Variants in PHACTR1 observed in about 807,000 individuals in gnomAD.
The protein encoded by PHACTR1 is phosphatase and actin regulator 1.
In PHACTR1, 16 loss-of-function variants were observed where a neutral mutation model predicts 69.2. The ratio of observed to expected loss-of-function variants is 0.23; its 90% CI spans 0.16 to 0.35. The LOEUF (loss-of-function observed/expected upper bound fraction) is 0.35, where lower values mean the gene tolerates loss of function less well. PHACTR1 is among the 10% of genes least tolerant of loss of function. The probability of loss-of-function intolerance (pLI) is 1.00; values close to 1 mark genes in which losing one functional copy is unlikely to be tolerated. For missense variants in PHACTR1, 510 were observed against 734.7 expected (o/e 0.69, Z 3.54); for synonymous variants, 312 against 284.5 (o/e 1.10, Z -0.97).
At chr6:13,180,421 T>A (rs1762032683) in intron 6 of PHACTR1, among the ~76,000 whole-genome samples, 1 of 152,168 alleles carries the variant, frequency 6.6e-6, no homozygotes, top group Non-Finnish European at 1.5e-5. Flanking sequence ...CAATATTGCT[T>A]CTCTGTTACC....
At chr6:13,280,943 G>A (rs554518057) in intron 12 of PHACTR1, 35 of 1,288,366 alleles carry the variant, frequency 2.7e-5, no homozygotes, top group Admixed American at 9.2e-5. Context: ...ACAGAGGAGC[G>A]TCCTGGTGGC....
At chr6:13,223,154 G>A (rs978146066) in intron 8 of PHACTR1, among the ~76,000 whole-genome samples, 19 of 151,992 alleles carry the variant, frequency 1.3e-4, no homozygotes, top group African/African-American at 3.6e-4. Context: ...AAAAAATACC[G>A]TACTGACTTA....
intron 7 of PHACTR1, among the ~76,000 whole-genome samples, chr6:13,199,095 A>C (rs1764832498): frequency 6.6e-6 from 1 of 152,124 alleles, no homozygotes; most frequent in Non-Finnish European, 1.5e-5. Context: ...ACACTACTTT[A>C]AGAAGTTAGC....
At chr6:13,263,529 G>A (rs9473836) in intron 10 of PHACTR1, among the ~76,000 whole-genome samples, 1 of 152,160 alleles carries the variant, frequency 6.6e-6, no homozygotes. Context: ...TTGCTGCTCA[G>A]ACATATTTTA....
intron 4 of PHACTR1, among the ~76,000 whole-genome samples, chr6:12,833,186 C>T (rs1052313388): frequency 2.0e-5 from 3 of 151,966 alleles, no homozygotes; most frequent in African/African-American, 7.3e-5. Flanking sequence ...GCTTCCTTTT[C>T]GTGTTAAACC....
At chr6:13,184,549 ATCC>A (rs1339193082) in intron 7 of PHACTR1, among the ~76,000 whole-genome samples, 1 of 152,122 alleles carries the variant, frequency 6.6e-6, no homozygotes, top group African/African-American at 2.4e-5. Context: ...TTGAGAAAAC[ATCC>A]TCCTCCTCTT....
chr6:12,724,244 T>C (rs1489542360), intron 3 of PHACTR1, among the ~76,000 whole-genome samples: 2 of 152,072 alleles, frequency 1.3e-5, no homozygotes, highest in Non-Finnish European at 1.5e-5. Flanking sequence ...GGAGAATCAC[T>C]TGGACCCAGG....
At chr6:12,718,143 C>T (rs1761627265) in intron 2 of PHACTR1, among the ~76,000 whole-genome samples, 1 of 152,194 alleles carries the variant, frequency 6.6e-6, no homozygotes, top group Admixed American at 6.5e-5. Context: ...GGTGACGATC[C>T]TCTAGCACTT....
chr6:13,001,321 A>G (rs1266711936), intron 4 of PHACTR1, among the ~76,000 whole-genome samples: 2 of 152,206 alleles, frequency 1.3e-5, no homozygotes, highest in South Asian at 2.1e-4. Context: ...CATAAATAAG[A>G]GAAAAATTGG....
At chr6:12,991,787 G>A (rs1796845102) in intron 4 of PHACTR1, among the ~76,000 whole-genome samples, 2 of 152,112 alleles carry the variant, frequency 1.3e-5, no homozygotes, top group African/African-American at 2.4e-5. Context: ...AGGAGATCAC[G>A]TGCACAGTAC....
rs747493479 is a variant in PHACTR1 at position 13,249,109 on chromosome 6, C to G, written c.1391+18916C>G. On this transcript the variant is annotated intron_variant, in intron 10 of 14. Transcript: ENST00000332995. ...TTCTTTGCAGCCTTTTGGCCATGCTCGTGTAGGGGTGCCCAAACCCCCAGG... is the reference window on the plus strand; with the variant it reads ...TTCTTTGCAGCCTTTTGGCCATGCTGGTGTAGGGGTGCCCAAACCCCCAGG... 3.9e-5 allele frequency among the ~76,000 whole-genome samples: 6 copies of G among 152,104 alleles called. No individual in the cohort carries two copies. In the East Asian group the frequency reaches 1.2e-3, roughly 29 times the overall value.
chr6:13,243,093 T>C (rs1260590914), intron 10 of PHACTR1, among the ~76,000 whole-genome samples: 4 of 152,232 alleles, frequency 2.6e-5, no homozygotes, highest in Non-Finnish European at 4.4e-5. Flanking sequence ...TTGCCATTTT[T>C]TTTTCCTTTA....
rs111480565 is a variant in PHACTR1 at position 12,718,555 on chromosome 6, G to C, written c.-46-144G>C. ...TCACACGGTAGGAAAGCTATGCTGG[G>C]GGGTGGCTTTAGAATTGCAAATGTC... On this transcript the variant is annotated intron_variant, in intron 2 of 14. Coordinates refer to ENST00000332995, the MANE Select transcript of PHACTR1 (RefSeq NM_030948.6). 1,026 of 348,216 alleles carry C rather than the reference G, an allele frequency of 2.9e-3. 17 individuals carry two copies. The highest frequency in any genetic ancestry group is 0.02 in the African/African-American group (963 of 47,552). The allele number at this position is 348,216 out of a possible 1,614,324, so 21.6% of individuals were successfully genotyped here.
intron 4 of PHACTR1, among the ~76,000 whole-genome samples, chr6:12,942,869 C>T (rs1790194920): frequency 6.6e-6 from 1 of 152,176 alleles, no homozygotes; most frequent in Admixed American, 6.5e-5. Context: ...AGCTCTTTCA[C>T]CCAGGCATTT....
chr6:13,023,799 G>A (rs894243539), intron 4 of PHACTR1, among the ~76,000 whole-genome samples: 1 of 152,184 alleles, frequency 6.6e-6, no homozygotes, highest in Non-Finnish European at 1.5e-5. Context: ...AAATGGGGTC[G>A]GGCACAATGG....
intron 4 of PHACTR1, among the ~76,000 whole-genome samples, chr6:13,048,688 C>G (rs1214950174): frequency 6.6e-6 from 1 of 152,206 alleles, no homozygotes; most frequent in Non-Finnish European, 1.5e-5. Flanking sequence ...CATGCCACCA[C>G]ACCCAGCTTA....
intron 5 of PHACTR1, among the ~76,000 whole-genome samples, chr6:13,087,144 CATAT>C (rs1268741528): frequency 6.8e-6 from 1 of 146,624 alleles, no homozygotes; most frequent in East Asian, 2.0e-4. Context: ...ATATATATAA[CATAT>C]ATATTTTTAT....
Position 13,234,694 on chromosome 6 carries a change from C to T in PHACTR1, c.1391+4501C>T, listed in dbSNP as rs151120170. Among the ~76,000 whole-genome samples, 354 of 152,264 alleles carry T rather than the reference C, an allele frequency of 2.3e-3. 1 individual carries two copies. The highest frequency in any genetic ancestry group is 8.0e-3 in the African/African-American group (332 of 41,538). On this transcript the variant is annotated intron_variant, in intron 10 of 14. Transcript: ENST00000332995. Reference sequence around the variant, plus strand: ...AAATTACTGTGCTTCCAAAAATGTTCACTTGTTGAGGCTATTGGGCAGACT... The same window carrying T: ...AAATTACTGTGCTTCCAAAAATGTTTACTTGTTGAGGCTATTGGGCAGACT...
At chr6:13,104,722 A>G (rs1237866349) in intron 5 of PHACTR1, among the ~76,000 whole-genome samples, 1 of 152,232 alleles carries the variant, frequency 6.6e-6, no homozygotes, top group East Asian at 1.9e-4. Context: ...GTGGTAGATT[A>G]TGTCCACTTC....
Sources: allele counts gnomAD v4.1 joint callset (sites outside exome capture counted in the v4.1 genomes callset), GRCh38; gene constraint gnomAD v4.1.1; transcripts MANE v1.5; gene names NCBI Gene and HGNC (gene_info 2026-07-23, HGNC 2026-07-21).